The following ZHX2 variants were observed in gnomAD, a reference collection of about 807,000 sequenced individuals.
The protein encoded by ZHX2 is zinc fingers and homeoboxes protein 2.
A neutral mutation model predicts 21.9 loss-of-function variants in ZHX2; 6 were observed. The ratio of observed to expected loss-of-function variants is 0.27; its 90% CI spans 0.15 to 0.54. The LOEUF is 0.54. ZHX2 is among the 20% of genes least tolerant of loss of function. ZHX2 has a pLI of 0.95. For missense variants in ZHX2, 908 were observed against 1,090.7 expected, an observed-to-expected ratio of 0.83 and a Z score of 2.36; for synonymous variants, 434 against 437.1, an observed-to-expected ratio of 0.99 and a Z score of 0.09.
intron 3 of ZHX2, 50 bp downstream of exon 3, chr8:122,954,078 C>A (rs1813231412): frequency 6.8e-6 from 10 of 1,477,552 alleles, no homozygotes; most frequent in Non-Finnish European, 9.0e-6. Context: ...AGCTTGCTTT[C>A]TTTTCGTTGC....
At chr8:122,815,533 T>G (rs572763174) in intron 1 of ZHX2, 1 of 156,332 alleles carries the variant, frequency 6.4e-6, no homozygotes, top group African/African-American at 2.4e-5. Context: ...TTGCTTCTTA[T>G]GAATAAGCAA....
chr8:122,941,940 A>G (rs1812856054), intron 2 of ZHX2, among the ~76,000 whole-genome samples: 1 of 152,228 alleles, frequency 6.6e-6, no homozygotes. Flanking sequence ...GAGCCACATT[A>G]TAAGCCCAAC....
chr8:122,852,522 G>A (rs770533947), intron 1 of ZHX2, among the ~76,000 whole-genome samples: 17 of 151,772 alleles, frequency 1.1e-4, no homozygotes, highest in Non-Finnish European at 2.1e-4. Flanking sequence ...GGCAGGCCCA[G>A]GATGTGAACT....
intron 1 of ZHX2, among the ~76,000 whole-genome samples, chr8:122,855,945 C>T (rs774481730): frequency 2.0e-5 from 3 of 152,156 alleles, no homozygotes; most frequent in Non-Finnish European, 4.4e-5. Flanking sequence ...AGCAGGGAAG[C>T]TGAACTGGCA....
chr8:122,912,844 A>G (rs1271649632), intron 2 of ZHX2, among the ~76,000 whole-genome samples: 4 of 152,080 alleles, frequency 2.6e-5, no homozygotes, highest in African/African-American at 7.3e-5. Flanking sequence ...AGAGGTAGGA[A>G]TTTAGATTTA....
Position 122,923,868 on chromosome 8 carries a change from G to A in ZHX2, c.-219-27424G>A, listed in dbSNP as rs146629571. 3.5e-3 allele frequency among the ~76,000 whole-genome samples: 536 copies of A among 152,264 alleles called. 4 individuals carry two copies. The highest frequency in any genetic ancestry group is 0.01 in the African/African-American group (422 of 41,544). On this transcript the variant is annotated intron_variant, in intron 2 of 3. Transcript: ENST00000314393. Reference sequence around the variant, plus strand: ...GTATGCTCTCTGACAGATTCCTGTCGATAACCACCACCCCTCAGCTTCTCA... The same window carrying A: ...GTATGCTCTCTGACAGATTCCTGTCAATAACCACCACCCCTCAGCTTCTCA...
intron 1 of ZHX2, among the ~76,000 whole-genome samples, chr8:122,803,084 T>C (rs1248441230): frequency 2.0e-5 from 3 of 151,758 alleles, no homozygotes; most frequent in Non-Finnish European, 2.9e-5. Flanking sequence ...TCAACCTGAA[T>C]TGAAACTCCC....
chr8:122,781,361 C>G (rs1014184699), upstream of ZHX2: 2 of 152,252 alleles, frequency 1.3e-5, no homozygotes, highest in African/African-American at 4.8e-5. The surrounding 1 kb of genome is among the most constrained non-coding windows in gnomAD (Gnocchi z 4.6). Context: ...CGCGCGGGGT[C>G]GTGCTTAATA....
chr8:122,884,124 A>G (rs1440240532), intron 2 of ZHX2, among the ~76,000 whole-genome samples: 1 of 152,204 alleles, frequency 6.6e-6, no homozygotes, highest in Non-Finnish European at 1.5e-5. Flanking sequence ...GGCAACTGTA[A>G]CACAATGATA....
rs1257621427 is a variant in ZHX2 at position 122,952,004 on chromosome 8, T to A, written c.494T>A (p.Ile165Asn). The A allele has an allele frequency of 1.2e-6, 2 of 1,613,002 alleles. No homozygotes were observed. Among genetic ancestry groups the A allele is most frequent in the South Asian group, 2.2e-5 (2 of 91,012 alleles). ...GAAACCACCAACCATGTCGTGTCCA[T>A]CACCACCAGTGGCCCTGGAACTGGT... The part of the protein sequence containing the change: ...SIETTNHVVS[I>N]TTSGPGTGDS... The change falls in exon 3 of 4, where the codon ATC becomes AAC. Residue 165 changes from isoleucine (I) to asparagine (N), a missense_variant. Around this residue, in one of 4 missense-constraint regions of ZHX2, gnomAD observed 220 missense variants for 251.4 expected, o/e 0.88. Coordinates refer to ENST00000314393, the MANE Select transcript of ZHX2 (RefSeq NM_014943.5). The surrounding 1 kb of genome is among the most constrained non-coding windows in gnomAD (Gnocchi z 6.9).
chr8:122,869,207 G>A (rs1436328325), intron 2 of ZHX2, among the ~76,000 whole-genome samples: 1 of 152,110 alleles, frequency 6.6e-6, no homozygotes, highest in Admixed American at 6.5e-5. Flanking sequence ...AGAAAGGGTG[G>A]CCAGTGGTCT....
At chr8:122,943,741 T>C (rs1812902396) in intron 2 of ZHX2, among the ~76,000 whole-genome samples, 1 of 152,190 alleles carries the variant, frequency 6.6e-6, no homozygotes, top group South Asian at 2.1e-4. Context: ...CTGAGATTAT[T>C]GTTTAGCTGT....
chr8:122,953,802 C>G lies in ZHX2; in HGVS notation c.2292C>G (p.Pro764=). The G allele has an allele frequency of 6.2e-7, 1 of 1,614,254 alleles. No homozygotes were observed. The highest frequency in any genetic ancestry group is 2.2e-5 in the East Asian group (1 of 44,892). ...EPAKDCLPAK[P]SEATSDRSEG... is the part of the protein sequence containing the mutation. ...CAAAAGACTGTTTGCCAGCAAAGCC[C>G]TCAGAGGCCACCTCAGACCGGTCAG... Residue 764 remains proline, a synonymous_variant, in exon 3 of 4, where the codon CCC becomes CCG. Transcript: ENST00000314393. The surrounding 1 kb of genome is among the most constrained non-coding windows in gnomAD (Gnocchi z 4.6).
chr8:122,946,490 C>T (rs1812978412), intron 2 of ZHX2, among the ~76,000 whole-genome samples: 1 of 152,066 alleles, frequency 6.6e-6, no homozygotes, highest in South Asian at 2.1e-4. Flanking sequence ...TTAGAAGATG[C>T]TTTTATTTTG....
intron 1 of ZHX2, among the ~76,000 whole-genome samples, chr8:122,800,142 C>T (rs1228447113): frequency 6.6e-6 from 1 of 152,232 alleles, no homozygotes; most frequent in East Asian, 1.9e-4. Flanking sequence ...AGGCGTGAGC[C>T]ACCGCGCCTG....
chr8:122,789,844 A>T (rs1027961863), intron 1 of ZHX2, among the ~76,000 whole-genome samples: 10 of 152,198 alleles, frequency 6.6e-5, no homozygotes, highest in Non-Finnish European at 1.3e-4. Context: ...TCTTCTGGGG[A>T]ACTTTGTGTT....
intron 2 of ZHX2, among the ~76,000 whole-genome samples, chr8:122,893,061 C>T (rs1021061074): frequency 1.3e-5 from 2 of 152,250 alleles, no homozygotes; most frequent in African/African-American, 4.8e-5. Flanking sequence ...CTTTATTTCT[C>T]CTTTATTTCT....
intron 2 of ZHX2, among the ~76,000 whole-genome samples, chr8:122,885,216 A>G (rs771819003): frequency 2.0e-5 from 3 of 152,230 alleles, no homozygotes; most frequent in Non-Finnish European, 4.4e-5. Context: ...TTTCTGGCTC[A>G]TGGAAGTCAC....
chr8:122,920,289 A>G (rs1403580375), intron 2 of ZHX2, among the ~76,000 whole-genome samples: 2 of 152,178 alleles, frequency 1.3e-5, no homozygotes, highest in Non-Finnish European at 2.9e-5. Context: ...ACAAACAAAA[A>G]AAAAATTCAA....
Sources: gnomAD v4.1 joint callset for allele counts (sites outside exome capture counted in the v4.1 genomes callset) on GRCh38, gnomAD v4.1.1 for gene constraint, gnomAD v4.1.1 regional missense constraint, Gnocchi (gnomAD v3.1) non-coding constraint, MANE v1.5 for transcripts, NCBI Gene and HGNC (gene_info 2026-07-23, HGNC 2026-07-21) for gene names.